The following PUS10 variants were observed in gnomAD, a reference collection of about 807,000 sequenced individuals.
The protein encoded by PUS10 is pseudouridine synthase 10, also known as tRNA pseudouridine synthase Pus10.
In PUS10, 59 loss-of-function variants were observed where a neutral mutation model predicts 75.0. The ratio of observed to expected loss-of-function variants is 0.79; its 90% CI spans 0.64 to 0.98. PUS10 has a LOEUF of 0.98. Among genes scored for constraint, PUS10 ranks in the 50% least tolerant of loss-of-function variants. PUS10 has a pLI of 0.00. For missense variants in PUS10, 650 were observed against 614.4 expected, an observed-to-expected ratio of 1.06 and a Z score of -0.61; for synonymous variants, 219 against 211.6, an observed-to-expected ratio of 1.03 and a Z score of -0.30.
chr2:60,995,023 GA>G (rs1273981871), intron 4 of PUS10, among the ~76,000 whole-genome samples: 1 of 152,138 alleles, frequency 6.6e-6, no homozygotes, highest in Non-Finnish European at 1.5e-5. Context: ...CCGGGAGGTG[GA>G]AATTGCAGTA....
Position 60,942,374 on chromosome 2 carries a change from CTT to C in PUS10, c.*19_*20del. On this transcript the variant is annotated 3_prime_UTR_variant, in exon 18 of 18. Coordinates refer to ENST00000316752, the MANE Select transcript of PUS10 (RefSeq NM_144709.4). ...CACATCATGCCAGGAAAACCATACT[CTT>C]TGTCTCCAAATTTGAAAGCTAGTCA... 1 of 1,610,040 alleles carries C rather than the reference CTT, an allele frequency of 6.2e-7. No homozygotes were observed. The highest frequency in any genetic ancestry group is 1.3e-5 in the African/African-American group (1 of 74,972).
chr2:60,975,307 C>G (rs878923470), intron 4 of PUS10, among the ~76,000 whole-genome samples: 6 of 152,036 alleles, frequency 3.9e-5, no homozygotes, highest in Admixed American at 1.3e-4. Flanking sequence ...CCACCACACC[C>G]AGCTAATTTT....
intron 15 of PUS10, among the ~76,000 whole-genome samples, chr2:60,949,472 A>G (rs1478958409): frequency 6.6e-6 from 1 of 152,176 alleles, no homozygotes; most frequent in Non-Finnish European, 1.5e-5. Flanking sequence ...AGTTGACAAA[A>G]GGAAACCACT....
intron 6 of PUS10, 174 bp downstream of exon 6, chr2:60,967,328 G>A: frequency 2.1e-6 from 1 of 484,304 alleles, no homozygotes; most frequent in East Asian, 4.2e-5. Flanking sequence ...AAGAAAAAAA[G>A]AAATGCTTTG....
chr2:60,978,656 C>A (rs1316874363), intron 4 of PUS10, among the ~76,000 whole-genome samples: 1 of 151,916 alleles, frequency 6.6e-6, no homozygotes, highest in East Asian at 1.9e-4. Flanking sequence ...CCCCTTAAGG[C>A]AATATGGTCC....
chr2:60,965,402 G>C, intron 7 of PUS10, 21 bp downstream of exon 7: 2 of 1,590,862 alleles, frequency 1.3e-6, no homozygotes, highest in Non-Finnish European at 1.7e-6. Flanking sequence ...CACCATTGAC[G>C]TTGTTTACAT....
chr2:60,985,859 A>T (rs1418570929), intron 4 of PUS10, among the ~76,000 whole-genome samples: 1 of 140,688 alleles, frequency 7.1e-6, no homozygotes, highest in African/African-American at 2.7e-5. Flanking sequence ...TAATGGGTTT[A>T]CTCTAGGTTG....
At chr2:60,980,667 G>A (rs1190816351) in intron 4 of PUS10, among the ~76,000 whole-genome samples, 2 of 152,202 alleles carry the variant, frequency 1.3e-5, no homozygotes, top group Non-Finnish European at 2.9e-5. Context: ...CATTTAAGTT[G>A]CAGTTCTGCT....
chr2:60,967,707 G>C, intron 5 of PUS10, 94 bp from the exon 6 acceptor site: 2 of 811,816 alleles, frequency 2.5e-6, no homozygotes, highest in Admixed American at 4.5e-5. Flanking sequence ...AATATTGATT[G>C]AGTGCCTAGT....
rs183726890 is a variant in PUS10 at position 61,013,523 on chromosome 2, T to C, written c.-15-1618A>G. 2.7e-3 allele frequency among the ~76,000 whole-genome samples: 408 copies of C among 152,366 alleles called. 2 individuals are homozygous for C. Among genetic ancestry groups the C allele is most frequent in the African/African-American group, 8.3e-3 (344 of 41,586 alleles). On this transcript the variant is annotated intron_variant, in intron 1 of 17. Coordinates refer to ENST00000316752, the MANE Select transcript of PUS10 (RefSeq NM_144709.4). Reference sequence around the variant, plus strand: ...TGGACAATTTCCCCTGTTATCATTATGTCTTCATTCTGAAGGCTCCTGTGT... The same window carrying C: ...TGGACAATTTCCCCTGTTATCATTACGTCTTCATTCTGAAGGCTCCTGTGT...
chr2:61,005,142 G>T (rs1679123179), intron 4 of PUS10, among the ~76,000 whole-genome samples: 2 of 152,150 alleles, frequency 1.3e-5, no homozygotes, highest in African/African-American at 4.8e-5. Flanking sequence ...ATGCCTGTAA[G>T]CCCAGCTACT....
intron 9 of PUS10, among the ~76,000 whole-genome samples, chr2:60,962,374 C>A (rs1676078694): frequency 6.6e-6 from 1 of 152,158 alleles, no homozygotes; most frequent in Admixed American, 6.5e-5. Flanking sequence ...GAGTTCAAGA[C>A]CAGCCTGGCC....
chr2:60,999,720 ACTTT>A (rs1225463440), intron 4 of PUS10, among the ~76,000 whole-genome samples: 5 of 152,222 alleles, frequency 3.3e-5, no homozygotes, highest in Admixed American at 6.5e-5. Flanking sequence ...TATAGTGCAC[ACTTT>A]CTTTCTATGT....
chr2:61,014,252 C>T (rs1365099630), intron 1 of PUS10, among the ~76,000 whole-genome samples: 1 of 151,964 alleles, frequency 6.6e-6, no homozygotes, highest in African/African-American at 2.4e-5. Flanking sequence ...TTGGCGTGTG[C>T]CTATAATCCC....
At chr2:60,974,921 C>T (rs1676940996) in intron 4 of PUS10, among the ~76,000 whole-genome samples, 3 of 152,210 alleles carry the variant, frequency 2.0e-5, no homozygotes, top group Admixed American at 6.5e-5. Context: ...GAGAAAAACT[C>T]GGGCAAAGAC....
At chr2:60,992,717 G>C (rs1441593229) in intron 4 of PUS10, among the ~76,000 whole-genome samples, 2 of 151,826 alleles carry the variant, frequency 1.3e-5, no homozygotes, top group Admixed American at 6.6e-5. Flanking sequence ...TATGGCTCAT[G>C]ACCACATTTA....
chr2:60,959,471 A>G (rs1406459177), intron 11 of PUS10, among the ~76,000 whole-genome samples: 1 of 152,102 alleles, frequency 6.6e-6, no homozygotes, highest in African/African-American at 2.4e-5. Context: ...GCACACTGCA[A>G]CCTCTGCCTC....
chr2:60,993,341 C>A (rs1184663916), intron 4 of PUS10, among the ~76,000 whole-genome samples: 1 of 152,014 alleles, frequency 6.6e-6, no homozygotes, highest in East Asian at 1.9e-4. Flanking sequence ...GCTGCAGTCC[C>A]CGCTACTTGA....
rs1001956563 is a variant in PUS10, at chr2:60,940,863, A to T, written c.*1532T>A. ...GGCCTTTCAATGCATTGGCATTGAC[A>T]AGAGTGAAAAAATTATTTGCTGTTA... On this transcript the variant is annotated 3_prime_UTR_variant, in exon 18 of 18. Coordinates refer to ENST00000316752, the MANE Select transcript of PUS10 (RefSeq NM_144709.4). The T allele has an allele frequency of 6.6e-6, 1 of 152,334 alleles. No homozygotes were observed. The highest frequency in any genetic ancestry group is 1.5e-5 in the Non-Finnish European group (1 of 68,004). The allele number at this position is 152,334 out of a possible 1,614,324, so 9.4% of individuals were successfully genotyped here.
Sources: allele counts gnomAD v4.1 joint callset (sites outside exome capture counted in the v4.1 genomes callset), GRCh38; gene constraint gnomAD v4.1.1; transcripts MANE v1.5; gene names NCBI Gene and HGNC (gene_info 2026-07-23, HGNC 2026-07-21).